Variants in ITFG1 observed in about 807,000 individuals in gnomAD.
The protein encoded by ITFG1 is T-cell immunomodulatory protein.
In ITFG1, 34 loss-of-function variants were observed where a neutral mutation model predicts 81.8. That is an observed-to-expected ratio of 0.42 (90% CI 0.32 to 0.55). The LOEUF (loss-of-function observed/expected upper bound fraction) is 0.55, where lower values mean the gene tolerates loss of function less well. ITFG1 is among the 20% of genes least tolerant of loss of function. The pLI is 0.17. For missense variants in ITFG1, 672 were observed against 755.4 expected (o/e 0.89, Z 1.29); for synonymous variants, 285 against 270.6 (o/e 1.05, Z -0.52).
At chr16:47,191,019 G>T (rs886767175) in intron 14 of ITFG1, among the ~76,000 whole-genome samples, 4 of 152,086 alleles carry the variant, frequency 2.6e-5, no homozygotes, top group Non-Finnish European at 5.9e-5. Flanking sequence ...GGGCTATCAG[G>T]GTTCTGCTTG....
rs919784907 is a variant in ITFG1, at chr16:47,372,933, G to A, written c.720+2943C>T. Among the ~76,000 whole-genome samples, 12 of 151,756 alleles carry A rather than the reference G, an allele frequency of 7.9e-5. No homozygotes were observed. In the South Asian group the frequency reaches 1.3e-3, roughly 16 times the overall value. The stretch of plus-strand genomic sequence containing the variant: ...TTACTATAAACTTTAATCTCCCTAC[G>A]TCCAGATGTTGCATGCTAACCTATC... On this transcript the variant is annotated intron_variant, in intron 7 of 17. Transcript: ENST00000320640.
At chr16:47,255,547 C>G (rs752680700) in intron 12 of ITFG1, among the ~76,000 whole-genome samples, 1 of 152,160 alleles carries the variant, frequency 6.6e-6, no homozygotes, top group Non-Finnish European at 1.5e-5. Context: ...TAGAATGCTT[C>G]TTAGAGACAC....
intron 8 of ITFG1, among the ~76,000 whole-genome samples, chr16:47,337,939 T>C (rs1967729619): frequency 6.6e-6 from 1 of 152,252 alleles, no homozygotes; most frequent in South Asian, 2.1e-4. Flanking sequence ...GGAAATATGA[T>C]TGCTGTTTGT....
chr16:47,375,184 C>G (rs1351560964), intron 7 of ITFG1, among the ~76,000 whole-genome samples: 1 of 152,110 alleles, frequency 6.6e-6, no homozygotes, highest in Admixed American at 6.5e-5. Context: ...CGCCCATTTT[C>G]TGTGTGTGGA....
rs1172594013 is a variant in ITFG1 at position 47,433,791 on chromosome 16, A to ATATATATG, written c.561-4894_561-4893insCATATATA. ...ACTGAATATATATATATATATATATATACACACACACACATACACACACGT... is the reference window on the plus strand; with the variant it reads ...ACTGAATATATATATATATATATATATATATATGTACACACACACACATACACACACGT... On this transcript the variant is annotated intron_variant, in intron 5 of 17. Transcript: ENST00000320640. Among the ~76,000 whole-genome samples, 182 of 143,956 alleles carry ATATATATG rather than the reference A, an allele frequency of 1.3e-3. 1 individual carries two copies. Among genetic ancestry groups the ATATATATG allele is most frequent in the African/African-American group, 4.3e-3 (169 of 39,108 alleles). The allele number at this position is 143,956 out of a possible 152,430, so 94.4% of individuals were successfully genotyped here.
At position 47,444,384 on chromosome 16, in the gene ITFG1, T is replaced by C. The variant is rs536030013; in HGVS notation, c.560+7012A>G. On this transcript the variant is annotated intron_variant, in intron 5 of 17. Coordinates refer to ENST00000320640, the MANE Select transcript of ITFG1 (RefSeq NM_030790.5). The stretch of plus-strand genomic sequence containing the variant: ...TAGCTCTTCAGTAAATTTATGTGCA[T>C]AGTCAACTCTGGGGTCTGGCTTTTG... Among the ~76,000 whole-genome samples, 14 of 152,322 alleles carry C rather than the reference T, an allele frequency of 9.2e-5. No homozygotes were observed. The South Asian group carries it at 1.7e-3, about 18-fold the overall frequency.
chr16:47,215,744 C>T (rs917379672), intron 14 of ITFG1, among the ~76,000 whole-genome samples: 2 of 152,126 alleles, frequency 1.3e-5, no homozygotes, highest in Admixed American at 6.5e-5. Context: ...CAAAAATTAT[C>T]TTAAAATATT....
chr16:47,326,834 C>G (rs953150709), intron 8 of ITFG1, among the ~76,000 whole-genome samples: 3 of 152,126 alleles, frequency 2.0e-5, no homozygotes, highest in Non-Finnish European at 2.9e-5. Context: ...AGGATACAAA[C>G]AAATGGAAGA....
chr16:47,404,475 T>C (rs1335369442), intron 6 of ITFG1, among the ~76,000 whole-genome samples: 2 of 152,176 alleles, frequency 1.3e-5, no homozygotes, highest in Non-Finnish European at 2.9e-5. Flanking sequence ...ATTAGAGATA[T>C]AAAGACTAAT....
intron 10 of ITFG1, among the ~76,000 whole-genome samples, chr16:47,276,363 C>G (rs1966399038): frequency 6.6e-6 from 1 of 151,884 alleles, no homozygotes; most frequent in South Asian, 2.1e-4. Flanking sequence ...AAGATAATGG[C>G]AAAACATTAC....
intron 5 of ITFG1, among the ~76,000 whole-genome samples, chr16:47,437,858 C>G (rs566864963): frequency 6.6e-6 from 1 of 152,148 alleles, no homozygotes; most frequent in Non-Finnish European, 1.5e-5. Context: ...TGCAGCGCAC[C>G]GTGTGTGAGC....
At chr16:47,412,080 AG>A (rs1567491313) in intron 6 of ITFG1, among the ~76,000 whole-genome samples, 1 of 152,192 alleles carries the variant, frequency 6.6e-6, no homozygotes, top group African/African-American at 2.4e-5. Flanking sequence ...CAAACCCTCA[AG>A]GGAAATACAG....
chr16:47,456,692 T>TAAAA (rs550072378), intron 2 of ITFG1, among the ~76,000 whole-genome samples: 1 of 95,036 alleles, frequency 1.1e-5, no homozygotes. Flanking sequence ...ACTCTGTCTC[T>TAAAA]AAAAAAAAAA....
At chr16:47,440,786 C>G (rs1340167070) in intron 5 of ITFG1, among the ~76,000 whole-genome samples, 1 of 151,968 alleles carries the variant, frequency 6.6e-6, no homozygotes, top group Non-Finnish European at 1.5e-5. Context: ...ACTAGAGAAG[C>G]AAGAGCAAAC....
chr16:47,283,784 T>TA (rs1966859983), intron 10 of ITFG1, among the ~76,000 whole-genome samples: 1 of 152,204 alleles, frequency 6.6e-6, no homozygotes, highest in Admixed American at 6.5e-5. Context: ...ACTATGGCAA[T>TA]AGGAAACTAA....
At chr16:47,297,104 G>GGT (rs2151557711) in intron 10 of ITFG1, among the ~76,000 whole-genome samples, 1 of 152,112 alleles carries the variant, frequency 6.6e-6, no homozygotes, top group South Asian at 2.1e-4. Context: ...TGGGTGCTCT[G>GGT]GTGCTGGGTG....
chr16:47,456,372 CACA>C (rs1306288834), intron 2 of ITFG1, among the ~76,000 whole-genome samples: 2 of 152,018 alleles, frequency 1.3e-5, no homozygotes, highest in African/African-American at 4.8e-5. Context: ...GAAGCTAGAA[CACA>C]ATAAGCTAAC....
intron 14 of ITFG1, among the ~76,000 whole-genome samples, chr16:47,217,313 T>C (rs78968165): frequency 3.4e-4 from 52 of 152,328 alleles, no homozygotes; most frequent in Non-Finnish European, 6.5e-4. Context: ...AGGTTTTAGA[T>C]AGGATTTTCA....
chr16:47,320,607 T>C (rs1038486611), intron 8 of ITFG1, among the ~76,000 whole-genome samples: 5 of 152,168 alleles, frequency 3.3e-5, no homozygotes, highest in Non-Finnish European at 5.9e-5. Context: ...ATCTGTAAAA[T>C]GATTAAAAGG....
Sources: gnomAD v4.1 joint callset for allele counts (sites outside exome capture counted in the v4.1 genomes callset) on GRCh38, gnomAD v4.1.1 for gene constraint, MANE v1.5 for transcripts, NCBI Gene and HGNC (gene_info 2026-07-23, HGNC 2026-07-21) for gene names.